Variants in BMAL2 observed in about 807,000 individuals in gnomAD.
BMAL2 encodes the protein basic helix-loop-helix ARNT like 2.
chr12:27,424,138 A>C, the BMAL2 span: 1 of 152,244 alleles, frequency 6.6e-6, no homozygotes, highest in Non-Finnish European at 1.5e-5. Flanking sequence ...AAATAAAATT[A>C]TACATGTGGC....
the BMAL2 span, among the ~76,000 whole-genome samples, chr12:27,377,921 C>T: frequency 8.6e-5 from 13 of 152,006 alleles, no homozygotes; most frequent in South Asian, 2.1e-4. Flanking sequence ...TGGTAGCTCC[C>T]ACAGCCTTCA....
At chr12:27,364,609 C>T in the BMAL2 span, among the ~76,000 whole-genome samples, 1 of 152,018 alleles carries the variant, frequency 6.6e-6, no homozygotes, top group Admixed American at 6.6e-5. Flanking sequence ...GTCTTCCCAC[C>T]TTTTGCTTGG....
At chr12:27,382,757 A>G in the BMAL2 span, among the ~76,000 whole-genome samples, 1 of 152,200 alleles carries the variant, frequency 6.6e-6, no homozygotes, top group Non-Finnish European at 1.5e-5. Context: ...ATTTTGGTCC[A>G]TAGCATAATT....
At chr12:27,381,884 A>G in the BMAL2 span, among the ~76,000 whole-genome samples, 5 of 152,222 alleles carry the variant, frequency 3.3e-5, no homozygotes, top group South Asian at 1.0e-3. Flanking sequence ...TGGCTCAAAA[A>G]TCATAAAAAG....
At chr12:27,354,907 T>C in the BMAL2 span, among the ~76,000 whole-genome samples, 2 of 152,184 alleles carry the variant, frequency 1.3e-5, no homozygotes, top group Admixed American at 6.5e-5. Context: ...AAATGATCGG[T>C]CTTAATTCAT....
At chr12:27,385,703 A>T in the BMAL2 span, 2 of 579,218 alleles carry the variant, frequency 3.5e-6, no homozygotes, top group South Asian at 4.8e-5. Flanking sequence ...AGAAGTTTAA[A>T]ATAGAGAAGT....
chr12:27,402,085 G>A, the BMAL2 span, among the ~76,000 whole-genome samples: 4 of 152,160 alleles, frequency 2.6e-5, no homozygotes, highest in Non-Finnish European at 4.4e-5. Context: ...TGCTCAGCAC[G>A]GGGGAGAACA....
chr12:27,402,666 AATC>A, the BMAL2 span: 3 of 1,611,722 alleles, frequency 1.9e-6, no homozygotes, highest in Non-Finnish European at 2.5e-6. Context: ...TGTAGCTCTC[AATC>A]ATCAGAAGGT....
chr12:27,378,631 C>T, the BMAL2 span, among the ~76,000 whole-genome samples: 1 of 152,090 alleles, frequency 6.6e-6, no homozygotes, highest in Non-Finnish European at 1.5e-5. Flanking sequence ...GAACCCTGGC[C>T]TATAATTAGG....
the BMAL2 span, among the ~76,000 whole-genome samples, chr12:27,347,953 C>G: frequency 3.9e-5 from 6 of 152,196 alleles, no homozygotes; most frequent in Non-Finnish European, 7.3e-5. Context: ...CTGGCCCATC[C>G]TTACTGGTCT....
At chr12:27,353,101 A>G in the BMAL2 span, among the ~76,000 whole-genome samples, 21 of 152,326 alleles carry the variant, frequency 1.4e-4, no homozygotes, top group South Asian at 3.1e-3. Context: ...TATGGAACCA[A>G]AAAAAGAACC....
chr12:27,373,136 A>G, the BMAL2 span, among the ~76,000 whole-genome samples: 1 of 152,182 alleles, frequency 6.6e-6, no homozygotes, highest in Non-Finnish European at 1.5e-5. Flanking sequence ...TTTGCCAAGG[A>G]CGAGGTTTTC....
the BMAL2 span, among the ~76,000 whole-genome samples, chr12:27,396,711 T>TTGAATCTGCTCA: frequency 6.6e-6 from 1 of 152,188 alleles, no homozygotes; most frequent in African/African-American, 2.4e-5. Context: ...AAAAGGAGTT[T>TTGAATCTGCTCA]TGAATCTGCT....
At chr12:27,352,209 A>G in the BMAL2 span, among the ~76,000 whole-genome samples, 1 of 152,236 alleles carries the variant, frequency 6.6e-6, no homozygotes, top group African/African-American at 2.4e-5. Flanking sequence ...GCCCCTTGAC[A>G]TAATTTTTCA....
At chr12:27,419,123 C>T in the BMAL2 span, among the ~76,000 whole-genome samples, 10 of 151,638 alleles carry the variant, frequency 6.6e-5, no homozygotes, top group Non-Finnish European at 1.5e-4. Flanking sequence ...CAAGAATTAC[C>T]GAGAATTCAT....
At chr12:27,405,826 A>G in the BMAL2 span, among the ~76,000 whole-genome samples, 1 of 152,224 alleles carries the variant, frequency 6.6e-6, no homozygotes, top group African/African-American at 2.4e-5. Context: ...ACCCATGGCA[A>G]AGAAGTTAAA....
At chr12:27,407,779 C>T in the BMAL2 span, among the ~76,000 whole-genome samples, 1 of 151,932 alleles carries the variant, frequency 6.6e-6, no homozygotes. Context: ...CACAAGAAAC[C>T]CTTCAAAAAA....
the BMAL2 span, among the ~76,000 whole-genome samples, chr12:27,379,993 A>G: frequency 8.5e-5 from 13 of 152,320 alleles, no homozygotes; most frequent in African/African-American, 2.9e-4. Flanking sequence ...CTGGGCTCTC[A>G]GACAGATGTC....
chr12:27,380,439 T>A, the BMAL2 span: 1 of 1,608,150 alleles, frequency 6.2e-7, no homozygotes, highest in Non-Finnish European at 8.5e-7. Flanking sequence ...CTTCGATAAG[T>A]GAAATCTGCT....
Sources: gnomAD v4.1 joint callset for allele counts (sites outside exome capture counted in the v4.1 genomes callset) on GRCh38, gnomAD v4.1.1 for gene constraint, MANE v1.5 for transcripts, NCBI Gene and HGNC (gene_info 2026-07-23, HGNC 2026-07-21) for gene names.